Variants in MYT1L observed in about 807,000 individuals in gnomAD.
MYT1L encodes myelin transcription factor 1 like, also known as myelin transcription factor 1-like protein.
A neutral mutation model predicts 126.7 loss-of-function variants in MYT1L; 12 were observed. That is an observed-to-expected ratio of 0.09 (90% CI 0.06 to 0.15). MYT1L has a LOEUF of 0.15. MYT1L is among the 10% of genes least tolerant of loss of function. MYT1L has a pLI of 1.00. For synonymous variants in MYT1L, 541 were observed against 604.2 expected (o/e 0.90, Z 1.53); for missense variants, 979 against 1,585.2 (o/e 0.62, Z 6.49).
chr2:2,004,303 ATGCGTTCTTTCCTGCAGGCG>A (rs2062853905), intron 4 of MYT1L, among the ~76,000 whole-genome samples: 1 of 123,396 alleles, frequency 8.1e-6, no homozygotes, highest in African/African-American at 3.1e-5. Context: ...TCTTTCCTGC[ATGCGTTCTTTCCTGCAGGCG>A]TTCTTTCCTG....
chr2:1,856,098 C>A (rs6548054), intron 18 of MYT1L, among the ~76,000 whole-genome samples: 111,300 of 152,086 alleles, frequency 0.73, 40,870 homozygotes, highest in Middle Eastern at 0.87. Flanking sequence ...CAAAACAAAA[C>A]CACCCAAGCA....
intron 9 of MYT1L, among the ~76,000 whole-genome samples, chr2:1,930,749 T>C (rs1414996566): frequency 6.6e-6 from 1 of 152,222 alleles, no homozygotes; most frequent in South Asian, 2.1e-4. Context: ...CTATTGCTTA[T>C]AAAAATATTT....
Position 2,279,529 on chromosome 2 carries a change from G to A in MYT1L, c.-421+4875C>T, listed in dbSNP as rs1240756326. ...TAAGAAGAGAGAAAGAGGGAGGGAA[G>A]GAGGAAGGAGAGAGAGAAAGAGAGA... is the stretch of plus-strand genomic sequence containing the variant. On this transcript the variant is annotated intron_variant, in intron 2 of 24. Coordinates refer to ENST00000647738, the MANE Select transcript of MYT1L (RefSeq NM_001303052.2). 2.7e-5 allele frequency among the ~76,000 whole-genome samples: 4 copies of A among 147,306 alleles called. No individual in the cohort carries two copies. In the East Asian group the frequency reaches 6.0e-4, roughly 22 times the overall value.
chr2:2,276,360 C>T (rs533549575), intron 2 of MYT1L, among the ~76,000 whole-genome samples: 46 of 152,252 alleles, frequency 3.0e-4, no homozygotes, highest in African/African-American at 1.1e-3. Context: ...TGAAGTTTCT[C>T]GATTCTGCCT....
intron 3 of MYT1L, among the ~76,000 whole-genome samples, chr2:2,098,157 C>T (rs1467497563): frequency 2.0e-5 from 3 of 152,128 alleles, no homozygotes; most frequent in Admixed American, 6.5e-5. Flanking sequence ...TCAGATATTC[C>T]TTTGTAGTGA....
chr2:1,888,218 T>C (rs2048389201), intron 16 of MYT1L, among the ~76,000 whole-genome samples: 1 of 152,222 alleles, frequency 6.6e-6, no homozygotes, highest in Non-Finnish European at 1.5e-5. Flanking sequence ...TCCATGATGA[T>C]CCAGGATGAA....
chr2:2,298,797 T>C (rs981680109), intron 1 of MYT1L, among the ~76,000 whole-genome samples: 1 of 152,208 alleles, frequency 6.6e-6, no homozygotes, highest in African/African-American at 2.4e-5. Context: ...CGTCCCGCAG[T>C]GCTCAGGAAC....
At chr2:2,256,052 G>C (rs2094802169) in intron 2 of MYT1L, among the ~76,000 whole-genome samples, 1 of 152,202 alleles carries the variant, frequency 6.6e-6, no homozygotes, top group Non-Finnish European at 1.5e-5. Context: ...AGGTCCACCT[G>C]ACCTTGCCAC....
At chr2:1,971,663 G>A (rs560950680) in intron 8 of MYT1L, among the ~76,000 whole-genome samples, 85 of 152,142 alleles carry the variant, frequency 5.6e-4, no homozygotes, top group African/African-American at 1.8e-3. Context: ...CCTGGGAGGC[G>A]GAAGTTGCAG....
intron 22 of MYT1L, among the ~76,000 whole-genome samples, chr2:1,802,814 T>C (rs549478296): frequency 2.0e-4 from 30 of 152,200 alleles, no homozygotes; most frequent in Non-Finnish European, 3.4e-4. Flanking sequence ...GAGCAGGAGT[T>C]TGGCAAACAC....
At chr2:1,969,434 CAA>C (rs1161386942) in intron 8 of MYT1L, among the ~76,000 whole-genome samples, 1 of 152,236 alleles carries the variant, frequency 6.6e-6, no homozygotes, top group Non-Finnish European at 1.5e-5. Context: ...CCACGATTCT[CAA>C]ACTCAGGCAG....
intron 3 of MYT1L, among the ~76,000 whole-genome samples, chr2:2,154,072 T>C (rs562051064): frequency 5.9e-5 from 9 of 152,240 alleles, no homozygotes; most frequent in African/African-American, 1.9e-4. Flanking sequence ...CTGTAAATGT[T>C]TTGTCCTCCT....
At chr2:2,132,853 G>A (rs772178017) in intron 3 of MYT1L, among the ~76,000 whole-genome samples, 33 of 152,098 alleles carry the variant, frequency 2.2e-4, no homozygotes, top group Admixed American at 2.6e-4. Flanking sequence ...GGCATCTATG[G>A]AATCAGAAAT....
intron 2 of MYT1L, among the ~76,000 whole-genome samples, chr2:2,244,088 T>A (rs1248050237): frequency 1.3e-5 from 2 of 152,186 alleles, no homozygotes; most frequent in African/African-American, 4.8e-5. Context: ...TCTATTTCGA[T>A]CATGCATGTT....
chr2:2,093,894 C>T (rs2077160577), intron 3 of MYT1L, among the ~76,000 whole-genome samples: 2 of 152,174 alleles, frequency 1.3e-5, no homozygotes, highest in Admixed American at 1.3e-4. Flanking sequence ...GATCCAGTTA[C>T]AGCTTTCTAC....
chr2:1,898,626 C>A (rs1045602577), intron 14 of MYT1L, among the ~76,000 whole-genome samples: 46 of 152,232 alleles, frequency 3.0e-4, no homozygotes, highest in Admixed American at 3.0e-3. Flanking sequence ...GACAGGCCGT[C>A]TTGGCAGGTG....
chr2:2,304,881 T>G (rs1302163915), intron 1 of MYT1L, among the ~76,000 whole-genome samples: 1 of 152,158 alleles, frequency 6.6e-6, no homozygotes, highest in African/African-American at 2.4e-5. Flanking sequence ...AAGAATGAAC[T>G]GTCTTGTGGG....
chr2:1,888,707 C>A (rs1458619975), intron 16 of MYT1L, among the ~76,000 whole-genome samples: 4 of 152,158 alleles, frequency 2.6e-5, no homozygotes, highest in African/African-American at 9.7e-5. Context: ...ATGTTCTTGA[C>A]ATAGATGTTT....
At chr2:1,962,151 A>G (rs1156385492) in intron 8 of MYT1L, among the ~76,000 whole-genome samples, 3 of 152,210 alleles carry the variant, frequency 2.0e-5, no homozygotes, top group Non-Finnish European at 4.4e-5. Flanking sequence ...TAAGGTTATA[A>G]TGTACTAATA....
Sources: allele counts gnomAD v4.1 joint callset (sites outside exome capture counted in the v4.1 genomes callset), GRCh38; gene constraint gnomAD v4.1.1; transcripts MANE v1.5; gene names NCBI Gene and HGNC (gene_info 2026-07-23, HGNC 2026-07-21).